PTPRK: variants seen among roughly 807,000 people sequenced by gnomAD.
PTPRK encodes the protein receptor-type tyrosine-protein phosphatase kappa.
Under a neutral mutation model 178.0 loss-of-function variants are expected in PTPRK, and 75 were observed. The observed-to-expected ratio is 0.42, with a 90% CI of 0.35 to 0.51. The LOEUF (loss-of-function observed/expected upper bound fraction) is 0.51, where lower values mean the gene tolerates loss of function less well. PTPRK is among the 20% of genes least tolerant of loss of function. The probability of loss-of-function intolerance (pLI) is 0.02; values close to 1 mark genes in which losing one functional copy is unlikely to be tolerated. For missense variants in PTPRK, 1,441 were observed against 1,797.8 expected (o/e 0.80, Z 3.59); for synonymous variants, 637 against 620.6 (o/e 1.03, Z -0.39).
At chr6:128,474,198 A>AAACAAACC (rs1851085823) in intron 1 of PTPRK, among the ~76,000 whole-genome samples, 1 of 151,976 alleles carries the variant, frequency 6.6e-6, no homozygotes, top group Non-Finnish European at 1.5e-5. Context: ...ACAAACAAAC[A>AAACAAACC]AACAAACCCT....
chr6:128,113,914 T>C (rs1486232100), intron 7 of PTPRK, among the ~76,000 whole-genome samples: 1 of 152,156 alleles, frequency 6.6e-6, no homozygotes. Flanking sequence ...ATCTTTATGG[T>C]ATCCAACAGT....
intron 6 of PTPRK, among the ~76,000 whole-genome samples, chr6:128,205,989 T>C (rs1806889657): frequency 6.6e-6 from 1 of 151,844 alleles, no homozygotes; most frequent in Non-Finnish European, 1.5e-5. Flanking sequence ...ACAGAAGCTT[T>C]ATTTGCTTCT....
At chr6:128,361,737 A>T (rs542480593) in intron 2 of PTPRK, among the ~76,000 whole-genome samples, 1 of 152,294 alleles carries the variant, frequency 6.6e-6, no homozygotes, top group East Asian at 1.9e-4. Flanking sequence ...GGTACTATAA[A>T]AATATAGTAG....
chr6:128,246,447 A>G (rs917547573), intron 3 of PTPRK, among the ~76,000 whole-genome samples: 2 of 152,158 alleles, frequency 1.3e-5, no homozygotes, highest in Non-Finnish European at 2.9e-5. Context: ...TTTAAAAAAA[A>G]AAAAAGTTCC....
chr6:128,108,964 A>G (rs999861447), intron 7 of PTPRK, among the ~76,000 whole-genome samples: 1 of 152,120 alleles, frequency 6.6e-6, no homozygotes, highest in Non-Finnish European at 1.5e-5. Flanking sequence ...TGTTTCCCCA[A>G]ACTCTGACCT....
At chr6:128,274,469 G>A (rs1447808415) in intron 3 of PTPRK, among the ~76,000 whole-genome samples, 1 of 151,962 alleles carries the variant, frequency 6.6e-6, no homozygotes, top group Non-Finnish European at 1.5e-5. Flanking sequence ...ATACTATTGA[G>A]GGCATTTTAA....
At chr6:128,067,890 C>A in intron 11 of PTPRK, 98 bp from the exon 12 acceptor site, 4 of 1,126,778 alleles carry the variant, frequency 3.5e-6, no homozygotes, top group Non-Finnish European at 3.6e-6. Flanking sequence ...TATTAACACA[C>A]CACATTTCAA....
intron 13 of PTPRK, among the ~76,000 whole-genome samples, chr6:128,015,349 A>T (rs1779487519): frequency 6.6e-6 from 1 of 151,738 alleles, no homozygotes; most frequent in African/African-American, 2.4e-5. Context: ...CACTAAATTC[A>T]TTCAATTAGG....
chr6:128,156,418 C>T (rs1487084496), intron 7 of PTPRK, among the ~76,000 whole-genome samples: 5 of 151,824 alleles, frequency 3.3e-5, no homozygotes, highest in Non-Finnish European at 7.4e-5. Flanking sequence ...TTGGAGGCCT[C>T]AGGAAACTTA....
rs1290029697 is a variant in PTPRK, at chr6:128,255,268, C to T, written c.496-12666G>A. Among the ~76,000 whole-genome samples, 6 of 152,110 alleles carry T rather than the reference C, an allele frequency of 3.9e-5. No individual in the cohort carries two copies. In the East Asian group the frequency reaches 1.2e-3, roughly 29 times the overall value. On this transcript the variant is annotated intron_variant, in intron 3 of 29. Transcript: ENST00000368226. ...CCTCCCAAAGTGCTGGGATAACAGG[C>T]GTGAGCCACCATGCCGGGCCCTAAA... is the stretch of plus-strand genomic sequence containing the variant.
rs544718830 is a variant in PTPRK at position 128,090,136 on chromosome 6, T to C, written c.1163-144A>G. 2.9e-4 allele frequency: 199 copies of C among 683,414 alleles called. No individual in the cohort carries two copies. In the African/African-American group the frequency reaches 3.1e-3, roughly 11 times the overall value. 42.3% of individuals were successfully genotyped at this position (683,414 alleles called of 1,614,324 possible). A position where few individuals can be genotyped will look rare whatever the true frequency, so the allele number is the denominator to read the frequency against. ...TATTTTCCTTTGCTTTATTTATTCA[T>C]GATCCTATTCTTGAAGGTTTCAATC... On this transcript the variant is annotated intron_variant, in intron 7 of 29. Coordinates refer to ENST00000368226, the MANE Select transcript of PTPRK (RefSeq NM_002844.4).
chr6:128,051,811 C>T lies in PTPRK; in HGVS notation c.2194+12947G>A, dbSNP rs1233102316. On this transcript the variant is annotated intron_variant, in intron 13 of 29. Coordinates refer to ENST00000368226, the MANE Select transcript of PTPRK (RefSeq NM_002844.4). Reference sequence around the variant, plus strand: ...CTTTTATTTCTAGTTTTTCCAATTACATTTATGTTAGCTATTTTTTGGTAC... The same window carrying T: ...CTTTTATTTCTAGTTTTTCCAATTATATTTATGTTAGCTATTTTTTGGTAC... Among the ~76,000 whole-genome samples, 8 of 152,202 alleles carry T rather than the reference C, an allele frequency of 5.3e-5. No individual in the cohort carries two copies. The East Asian group carries it at 1.5e-3, about 29-fold the overall frequency.
intron 13 of PTPRK, among the ~76,000 whole-genome samples, chr6:128,050,190 T>C (rs1290894135): frequency 2.0e-5 from 3 of 152,096 alleles, no homozygotes; most frequent in African/African-American, 7.2e-5. Flanking sequence ...TCAAACAGTA[T>C]TTTTTCAGTA....
At chr6:128,198,169 T>C (rs1172585563) in intron 6 of PTPRK, among the ~76,000 whole-genome samples, 2 of 152,216 alleles carry the variant, frequency 1.3e-5, no homozygotes, top group African/African-American at 4.8e-5. Context: ...TATTGTTTTA[T>C]GCCACTAAGT....
At chr6:128,263,109 G>T (rs1197402993) in intron 3 of PTPRK, among the ~76,000 whole-genome samples, 9 of 152,076 alleles carry the variant, frequency 5.9e-5, no homozygotes, top group Non-Finnish European at 1.3e-4. Flanking sequence ...CGCTCCCTGG[G>T]CCAAACACAA....
intron 12 of PTPRK, among the ~76,000 whole-genome samples, chr6:128,065,991 A>C (rs1582820259): frequency 1.3e-5 from 2 of 150,872 alleles, no homozygotes; most frequent in South Asian, 4.1e-4. Flanking sequence ...TAACAATTGG[A>C]AGAGAAAATT....
chr6:128,397,403 T>C (rs1381527066), intron 2 of PTPRK, among the ~76,000 whole-genome samples, 163 bp downstream of exon 2: 1 of 152,042 alleles, frequency 6.6e-6, no homozygotes, highest in Non-Finnish European at 1.5e-5. Flanking sequence ...TTACAGAAAG[T>C]TATTAAGGGA....
At chr6:128,085,047 C>T (rs544252475) in intron 8 of PTPRK, 2 of 152,180 alleles carry the variant, frequency 1.3e-5, no homozygotes, top group Non-Finnish European at 2.9e-5. Flanking sequence ...TGAATGATAT[C>T]TCACGAGAGC....
At chr6:128,093,618 A>AC (rs1787400015) in intron 7 of PTPRK, among the ~76,000 whole-genome samples, 2 of 148,490 alleles carry the variant, frequency 1.3e-5, no homozygotes, top group African/African-American at 4.9e-5. Flanking sequence ...AAAAAAAAAA[A>AC]AAAAACGAAA....
Sources: allele counts gnomAD v4.1 joint callset (sites outside exome capture counted in the v4.1 genomes callset), GRCh38; gene constraint gnomAD v4.1.1; transcripts MANE v1.5; gene names NCBI Gene and HGNC (gene_info 2026-07-23, HGNC 2026-07-21).